RETN: variants seen among roughly 807,000 people sequenced by gnomAD.
RETN encodes the protein resistin, also known as C/EBP-epsilon regulated myeloid-specific secreted cysteine-rich protein precursor 1.
In RETN, 5 loss-of-function variants were observed where a neutral mutation model predicts 6.1. That is an observed-to-expected ratio of 0.82 (90% confidence interval 0.43 to 1.73). RETN has a LOEUF of 1.73. Ranked by LOEUF, RETN falls within the 40% of genes most tolerant of loss-of-function variation. The pLI is 0.02. For synonymous variants in RETN, 62 were observed against 59.2 expected, an observed-to-expected ratio of 1.05 and a Z score of -0.22; for missense variants, 168 against 142.5, an observed-to-expected ratio of 1.18 and a Z score of -0.91.
chr19:7,670,156 C>G (rs2032474529), intron 3 of RETN, 63 bp from the exon 4 acceptor site: 2 of 787,032 alleles, frequency 2.5e-6, no homozygotes, highest in Non-Finnish European at 2.0e-6. Flanking sequence ...CTCCCCACCC[C>G]CCTCCCGCTC....
chr19:7,669,194 C>T, intron 1 of RETN, 73 bp downstream of exon 1: 1 of 722,504 alleles, frequency 1.4e-6, no homozygotes, highest in Non-Finnish European at 2.4e-6. Flanking sequence ...GCCTCCATCC[C>T]TGTCCCCCAC....
At position 7,670,210 on chromosome 19, in the gene RETN, G is replaced by A. The variant is rs1443313537; in HGVS notation, c.197-9G>A. On this transcript the variant is annotated splice_polypyrimidine_tract_variant and intron_variant, in intron 3 of 3. Transcript: ENST00000221515. ...CTCAGAGTCCACGCTCCTGTGTTCC[G>A]GGCTGCAGGCTTCGCCGTCACCGGC... The A allele has an allele frequency of 5.7e-6, 9 of 1,582,756 alleles. No individual in the cohort carries two copies. The highest frequency in any genetic ancestry group is 2.2e-5 in the South Asian group (2 of 89,946).
intron 2 of RETN, 133 bp from the exon 3 acceptor site, chr19:7,669,688 G>A (rs1004516328): frequency 1.2e-6 from 1 of 819,218 alleles, no homozygotes; most frequent in Admixed American, 2.0e-5. Flanking sequence ...CCCAACTCAA[G>A]ACAGGGTCCT....
chr19:7,669,180 C>T (rs1465408211), intron 1 of RETN, 59 bp downstream of exon 1: 3 of 684,862 alleles, frequency 4.4e-6, no homozygotes, highest in Admixed American at 2.4e-5. Flanking sequence ...GGGGTCAAGG[C>T]TGAGCCTCCA....
chr19:7,670,303 C>T lies in RETN; in HGVS notation c.281C>T (p.Ala94Val). 1 of 1,585,978 alleles carries T rather than the reference C, an allele frequency of 6.3e-7. No homozygotes were observed. Among genetic ancestry groups the T allele is most frequent in the East Asian group, 2.3e-5 (1 of 44,056 alleles). ...RAETTCHCQC[A>V]GMDWTGARCC... ...GAGACCACATGTCACTGCCAGTGCG[C>T]GGGCATGGACTGGACCGGAGCGCGC... The change falls in exon 4 of 4, where the codon GCG (alanine) becomes GTG (valine). Residue 94 changes from alanine to valine, a missense_variant. Coordinates refer to ENST00000221515, the MANE Select transcript of RETN (RefSeq NM_020415.4).
intron 2 of RETN, 46 bp downstream of exon 2, chr19:7,669,490 C>G (rs1381781417): frequency 7.5e-7 from 1 of 1,325,364 alleles, no homozygotes; most frequent in Non-Finnish European, 1.1e-6. Context: ...TCTCAGAGAC[C>G]TCACTGATCC....
In RETN at chr19:7,669,818, C is replaced by CT; in HGVS notation, c.119-3_119-2insT. 3.7e-6 allele frequency: 6 copies of CT among 1,613,802 alleles called. No individual in the cohort carries two copies. The highest frequency in any genetic ancestry group is 3.4e-6 in the Non-Finnish European group (4 of 1,179,698). The stretch of plus-strand genomic sequence containing the variant: ...CCCTGTCTCCTTTCCTCCTGCCCCC[C>CT]AGTATTTAGGGCAATAAGCAGCATT... On this transcript the variant is annotated splice_region_variant and splice_polypyrimidine_tract_variant and intron_variant, in intron 2 of 3. Coordinates refer to ENST00000221515, the MANE Select transcript of RETN (RefSeq NM_020415.4).
Position 7,669,707 on chromosome 19 carries a change from G to T in RETN, c.119-114G>T, listed in dbSNP as rs2032459976. ...ACTCAAGACAGGGTCCTGGAGGCCAGTGAGCTCCTATGCCCACAGGGACCT... is the reference window on the plus strand; with the variant it reads ...ACTCAAGACAGGGTCCTGGAGGCCATTGAGCTCCTATGCCCACAGGGACCT... On this transcript the variant is annotated intron_variant, in intron 2 of 3. Coordinates refer to ENST00000221515, the MANE Select transcript of RETN (RefSeq NM_020415.4). 4 of 922,910 alleles carry T rather than the reference G, an allele frequency of 4.3e-6. No individual in the cohort carries two copies. The South Asian group carries it at 5.5e-5, about 13-fold the overall frequency. 57.2% of individuals were successfully genotyped at this position (922,910 alleles called of 1,614,324 possible). A position where few individuals can be genotyped will look rare whatever the true frequency, so the allele number is the denominator to read the frequency against.
chr19:7,669,705 C>T lies in RETN; in HGVS notation c.119-116C>T, dbSNP rs540239871. The T allele has an allele frequency of 1.1e-5, 10 of 893,780 alleles. No homozygotes were observed. In the African/African-American group the frequency reaches 1.6e-4, roughly 15 times the overall value. The allele number at this position is 893,780 out of a possible 1,614,324, so 55.4% of individuals were successfully genotyped here. On this transcript the variant is annotated intron_variant, in intron 2 of 3. Transcript: ENST00000221515. ...CAACTCAAGACAGGGTCCTGGAGGC[C>T]AGTGAGCTCCTATGCCCACAGGGAC...
At chr19:7,670,187 C>T in intron 3 of RETN, 32 bp from the exon 4 acceptor site, 5 of 1,576,224 alleles carry the variant, frequency 3.2e-6, no homozygotes, top group Non-Finnish European at 3.4e-6. Flanking sequence ...CCTCCCAGCT[C>T]AGAGTCCACG....
Position 7,669,903 on chromosome 19 carries a change from G to T in RETN, c.196+5G>T, listed in dbSNP as rs771400175. 5 of 1,613,406 alleles carry T rather than the reference G, an allele frequency of 3.1e-6. No homozygotes were observed. The highest frequency in any genetic ancestry group is 4.2e-6 in the Non-Finnish European group (5 of 1,179,436). ...ACCTGGCTACTTGCCCCCGAGGTGA[G>T]TGCAGGAGACTGTTGTCCAGGCGCC... On this transcript the variant is annotated splice_donor_5th_base_variant and intron_variant, in intron 3 of 3. Transcript: ENST00000221515.
At chr19:7,669,966 C>T (rs959636735) in intron 3 of RETN, 68 bp downstream of exon 3, 71 of 1,217,436 alleles carry the variant, frequency 5.8e-5, no homozygotes, top group Non-Finnish European at 7.9e-5. Flanking sequence ...GCCCCCTCCC[C>T]GCCACGTTCC....
At chr19:7,669,658 C>T (rs1373261288) in intron 2 of RETN, among the ~76,000 whole-genome samples, 163 bp from the exon 3 acceptor site, 3 of 152,182 alleles carry the variant, frequency 2.0e-5, no homozygotes, top group Non-Finnish European at 4.4e-5. Flanking sequence ...TCACTCCAAA[C>T]CTTCCCTTAC....
Position 7,670,325 on chromosome 19 carries a change from G to A in RETN, c.303G>A (p.Ala101=). The A allele has an allele frequency of 6.4e-7, 1 of 1,566,128 alleles. No homozygotes were observed. The highest frequency in any genetic ancestry group is 8.6e-7 in the Non-Finnish European group (1 of 1,161,086). ...CQCAGMDWTG[A]RCCRVQP is the part of the protein sequence containing the mutation. ...GCGCGGGCATGGACTGGACCGGAGC[G>A]CGCTGCTGTCGTGTGCAGCCCTGAG... Residue 101 remains alanine (A), a synonymous_variant, in exon 4 of 4, where the codon GCG becomes GCA. Coordinates refer to ENST00000221515, the MANE Select transcript of RETN (RefSeq NM_020415.4).
intron 1 of RETN, 89 bp downstream of exon 1, chr19:7,669,210 G>C: frequency 1.3e-6 from 1 of 782,810 alleles, no homozygotes; most frequent in East Asian, 2.5e-5. Context: ...CCCACATGGG[G>C]GGACAGGGGT....
Position 7,670,295 on chromosome 19 carries a change from C to A in RETN, c.273C>A (p.Cys91Ter). The A allele has an allele frequency of 6.3e-7, 1 of 1,590,936 alleles. No individual in the cohort carries two copies. Among genetic ancestry groups the A allele is most frequent in the Non-Finnish European group, 8.5e-7 (1 of 1,173,694 alleles). ...TGCGCGCCGAGACCACATGTCACTG[C>A]CAGTGCGCGGGCATGGACTGGACCG... is the stretch of plus-strand genomic sequence containing the variant. ...WDVRAETTCH[C>*]QCAGMDWTGA... is the part of the protein sequence containing the mutation. The change falls in exon 4 of 4, where the codon TGC (cysteine) becomes TGA (stop). Residue 91 changes from cysteine (C) to a stop codon, truncating the protein, a stop_gained. Coordinates refer to ENST00000221515, the MANE Select transcript of RETN (RefSeq NM_020415.4). LOFTEE classifies it high-confidence loss of function.
Position 7,669,438 on chromosome 19 carries a change from T to C in RETN, c.112T>C (p.Ser38Pro), listed in dbSNP as rs755987289. 2 of 1,612,670 alleles carry C rather than the reference T, an allele frequency of 1.2e-6. No individual in the cohort carries two copies. Among genetic ancestry groups the C allele is most frequent in the Admixed American group, 1.7e-5 (1 of 59,984 alleles). Residue 38 changes from serine to proline, a missense_variant, in exon 2 of 4, where the codon TCC (serine) becomes CCC (proline). Transcript: ENST00000221515. ...TGAGAGGATCCAGGAGGTCGCCGGC[T>C]CCCTAAGTGAGGACCCCCCACTTGG... is the stretch of plus-strand genomic sequence containing the variant. ...INERIQEVAG[S>P]LIFRAISSIG...
chr19:7,670,151 C>T (rs2032474240), intron 3 of RETN, 68 bp from the exon 4 acceptor site: 7 of 591,540 alleles, frequency 1.2e-5, no homozygotes, highest in East Asian at 3.7e-5. Flanking sequence ...CCGCGCTCCC[C>T]ACCCCCCTCC....
intron 2 of RETN, 136 bp from the exon 3 acceptor site, chr19:7,669,685 C>G: frequency 1.2e-6 from 1 of 811,030 alleles, no homozygotes; most frequent in Non-Finnish European, 2.1e-6. Context: ...ACACCCAACT[C>G]AAGACAGGGT....
Sources: allele counts gnomAD v4.1 joint callset (sites outside exome capture counted in the v4.1 genomes callset), GRCh38; gene constraint gnomAD v4.1.1; transcripts MANE v1.5; gene names NCBI Gene and HGNC (gene_info 2026-07-23, HGNC 2026-07-21).